The following SLC25A48 variants were observed in gnomAD, a reference collection of about 807,000 sequenced individuals.
SLC25A48 encodes the protein CTC-321K16.1.
In SLC25A48, 29 loss-of-function variants were observed where a neutral mutation model predicts 32.2. The ratio of observed to expected loss-of-function variants is 0.90; its 90% CI spans 0.67 to 1.23. The LOEUF is 1.23. SLC25A48 is among the 50% of genes most tolerant of loss of function. The pLI is 0.00. For synonymous variants in SLC25A48, 164 were observed against 172.3 expected (o/e 0.95, Z 0.38); for missense variants, 399 against 422.7 (o/e 0.94, Z 0.49).
At chr5:135,631,735 G>T (rs1463381866) in intron 2 of SLC25A48, among the ~76,000 whole-genome samples, 1 of 152,218 alleles carries the variant, frequency 6.6e-6, no homozygotes, top group Admixed American at 6.5e-5. Flanking sequence ...CCAGAGGGGA[G>T]AATCTGTTTT....
intron 3 of SLC25A48, among the ~76,000 whole-genome samples, chr5:135,655,769 A>G (rs1013025861): frequency 2.0e-5 from 3 of 152,234 alleles, no homozygotes; most frequent in Admixed American, 2.0e-4. Context: ...CAGCTGAGAA[A>G]TGCTATCCAC....
chr5:135,790,482 C>A (rs979597151), intron 3 of SLC25A48, among the ~76,000 whole-genome samples: 1 of 150,142 alleles, frequency 6.7e-6, no homozygotes, highest in African/African-American at 2.5e-5. Context: ...GGGGATGTTA[C>A]TTCTAATGTC....
intron 4 of SLC25A48, among the ~76,000 whole-genome samples, chr5:135,821,386 G>A (rs1561509204): frequency 1.3e-5 from 2 of 152,168 alleles, no homozygotes; most frequent in Non-Finnish European, 2.9e-5. Context: ...GGCAGAGACT[G>A]GTGTCTCAGC....
chr5:135,817,841 A>G (rs1313373884), intron 4 of SLC25A48, among the ~76,000 whole-genome samples: 2 of 152,250 alleles, frequency 1.3e-5, no homozygotes, highest in African/African-American at 4.8e-5. Context: ...TCTTACAAGA[A>G]GTGGGCAAAA....
intron 3 of SLC25A48, among the ~76,000 whole-genome samples, chr5:135,707,397 G>T (rs954338654): frequency 6.6e-6 from 1 of 152,174 alleles, no homozygotes; most frequent in African/African-American, 2.4e-5. Context: ...CTCCCACTGA[G>T]TCTGCAAGCG....
chr5:135,765,133 C>T (rs1756174383), intron 3 of SLC25A48, among the ~76,000 whole-genome samples: 1 of 151,188 alleles, frequency 6.6e-6, no homozygotes, highest in Admixed American at 6.6e-5. Context: ...GATATGGTTC[C>T]TAATATCCAA....
chr5:135,760,314 T>G (rs1208906220), intron 3 of SLC25A48, among the ~76,000 whole-genome samples: 1 of 152,160 alleles, frequency 6.6e-6, no homozygotes, highest in Non-Finnish European at 1.5e-5. Flanking sequence ...GAGCCCTGGC[T>G]CAGTTGCCAA....
chr5:135,635,179 C>A (rs1379472715), intron 3 of SLC25A48, among the ~76,000 whole-genome samples: 1 of 152,164 alleles, frequency 6.6e-6, no homozygotes, highest in Non-Finnish European at 1.5e-5. Context: ...GGTGTACCAG[C>A]GTGTGGAATC....
intron 1 of SLC25A48, among the ~76,000 whole-genome samples, chr5:135,627,682 G>C (rs143503615): frequency 1.4e-3 from 207 of 152,246 alleles, no homozygotes; most frequent in Middle Eastern, 3.4e-3. Context: ...ATTTTGCTGA[G>C]GAGTCAGCAT....
chr5:135,864,207 C>A (rs189328396), intron 4 of SLC25A48, among the ~76,000 whole-genome samples: 4 of 152,184 alleles, frequency 2.6e-5, no homozygotes, highest in African/African-American at 7.2e-5. Flanking sequence ...AAAAACATTT[C>A]TCTAGTTTCC....
At chr5:135,749,584 T>A (rs1244254757) in intron 3 of SLC25A48, among the ~76,000 whole-genome samples, 2 of 152,064 alleles carry the variant, frequency 1.3e-5, no homozygotes, top group Non-Finnish European at 2.9e-5. Context: ...ATTGTTATTT[T>A]TTTTTGGGGT....
chr5:135,818,092 T>TCTCTCC (rs1561507393), intron 4 of SLC25A48, among the ~76,000 whole-genome samples: 3 of 146,100 alleles, frequency 2.1e-5, no homozygotes, highest in African/African-American at 7.6e-5. Context: ...TCTCTCTCTC[T>TCTCTCC]CTCTCTCTCT....
chr5:135,735,537 G>A (rs1290522139), intron 3 of SLC25A48, among the ~76,000 whole-genome samples: 2 of 152,140 alleles, frequency 1.3e-5, no homozygotes, highest in Non-Finnish European at 2.9e-5. Flanking sequence ...TAACAGCTTT[G>A]TAAGCTGCCT....
chr5:135,644,996 C>T (rs923994781), intron 3 of SLC25A48, among the ~76,000 whole-genome samples: 4 of 152,262 alleles, frequency 2.6e-5, no homozygotes, highest in Admixed American at 6.5e-5. Flanking sequence ...AAGGGGGATC[C>T]GCTTTCCTGT....
At chr5:135,680,297 T>A (rs754599451) in intron 3 of SLC25A48, among the ~76,000 whole-genome samples, 2 of 152,214 alleles carry the variant, frequency 1.3e-5, no homozygotes, top group Non-Finnish European at 2.9e-5. Context: ...GTATATGTTC[T>A]CTGATATTCT....
At chr5:135,851,197 T>C (rs1486595880) in intron 3 of SLC25A48, among the ~76,000 whole-genome samples, 2 of 152,176 alleles carry the variant, frequency 1.3e-5, no homozygotes, top group Non-Finnish European at 2.9e-5. Flanking sequence ...CCGGACTCCA[T>C]CCTAACAAGT....
At chr5:135,797,350 C>T (rs990093593) in intron 3 of SLC25A48, among the ~76,000 whole-genome samples, 9 of 151,792 alleles carry the variant, frequency 5.9e-5, no homozygotes, top group African/African-American at 1.7e-4. Flanking sequence ...TTTACACACC[C>T]ACTGTGATAT....
At chr5:135,773,416 G>A (rs1756466273) in intron 3 of SLC25A48, among the ~76,000 whole-genome samples, 1 of 151,126 alleles carries the variant, frequency 6.6e-6, no homozygotes, top group African/African-American at 2.4e-5. Context: ...AGGGGGCAGA[G>A]GATGATATTA....
At chr5:135,582,116 G>A (rs941371325) in intron 1 of SLC25A48, among the ~76,000 whole-genome samples, 2 of 152,240 alleles carry the variant, frequency 1.3e-5, no homozygotes, top group East Asian at 1.9e-4. Context: ...AGAGGTAGAC[G>A]TGAAGTGTGG....
Sources: gnomAD v4.1 joint callset for allele counts (sites outside exome capture counted in the v4.1 genomes callset) on GRCh38, gnomAD v4.1.1 for gene constraint, MANE v1.5 for transcripts, NCBI Gene and HGNC (gene_info 2026-07-23, HGNC 2026-07-21) for gene names.